The following MYRIP variants were observed in gnomAD, a reference collection of about 807,000 sequenced individuals.
The protein encoded by MYRIP is rab effector MyRIP.
A neutral mutation model predicts 98.0 loss-of-function variants in MYRIP; 49 were observed. That is an observed-to-expected ratio of 0.50 (90% confidence interval 0.40 to 0.63). The LOEUF is 0.63. MYRIP is among the 30% of genes least tolerant of loss of function. The probability of loss-of-function intolerance (pLI) is 0.00; values close to 1 mark genes in which losing one functional copy is unlikely to be tolerated. For synonymous variants in MYRIP, 404 were observed against 409.5 expected (o/e 0.99, Z 0.16); for missense variants, 1,004 against 1,058.2 (o/e 0.95, Z 0.71).
intron 3 of MYRIP, among the ~76,000 whole-genome samples, chr3:40,140,905 C>T (rs1053698404): frequency 6.6e-6 from 1 of 152,084 alleles, no homozygotes; most frequent in Non-Finnish European, 1.5e-5. Flanking sequence ...CAAAATTAGA[C>T]TTACAATCTA....
chr3:40,155,958 T>C lies in MYRIP; in HGVS notation c.469+4774T>C, dbSNP rs1488850546. Among the ~76,000 whole-genome samples, 4 of 152,266 alleles carry C rather than the reference T, an allele frequency of 2.6e-5. No homozygotes were observed. The East Asian group carries it at 7.7e-4, about 29-fold the overall frequency. ...TTTGTAGGTTGCCTGTTCACTCTGA[T>C]GGTAGTTTCTTTTGCTGTGCAGAAG... On this transcript the variant is annotated intron_variant, in intron 4 of 16. Transcript: ENST00000302541.
chr3:39,942,623 A>G (rs1387985338), intron 2 of MYRIP, among the ~76,000 whole-genome samples: 5 of 152,128 alleles, frequency 3.3e-5, no homozygotes, highest in Admixed American at 3.3e-4. Flanking sequence ...TGGGATTTCT[A>G]TCTCCTTAAA....
chr3:39,858,028 A>G (rs561178447), intron 1 of MYRIP, among the ~76,000 whole-genome samples: 6 of 152,318 alleles, frequency 3.9e-5, no homozygotes, highest in African/African-American at 1.4e-4. Context: ...TAGCAATAGT[A>G]AGTCCTTACC....
intron 2 of MYRIP, among the ~76,000 whole-genome samples, chr3:39,903,810 C>T (rs1161844691): frequency 6.6e-6 from 1 of 152,178 alleles, no homozygotes; most frequent in South Asian, 2.1e-4. Context: ...ATTTTGTTTT[C>T]CAGATTCTCT....
At chr3:40,064,106 G>A (rs1948078483) in intron 3 of MYRIP, among the ~76,000 whole-genome samples, 2 of 152,144 alleles carry the variant, frequency 1.3e-5, no homozygotes, top group African/African-American at 4.8e-5. Flanking sequence ...GCTGCAAGCA[G>A]AGAGTAGATG....
intron 1 of MYRIP, among the ~76,000 whole-genome samples, chr3:39,827,258 A>G (rs1217124956): frequency 6.6e-6 from 1 of 152,130 alleles, no homozygotes; most frequent in East Asian, 1.9e-4. Flanking sequence ...GAGTGTTCGC[A>G]TGTGCCACCA....
Position 39,995,413 on chromosome 3 carries a change from G to A in MYRIP, c.111-48637G>A, listed in dbSNP as rs1171721573. ...ATGCAGAAGCCTCAGTAGCCGATTCGATCAACTGGAAGAAAGGGTATCAGT... is the reference window on the plus strand; with the variant it reads ...ATGCAGAAGCCTCAGTAGCCGATTCAATCAACTGGAAGAAAGGGTATCAGT... On this transcript the variant is annotated intron_variant, in intron 2 of 16. Coordinates refer to ENST00000302541, the MANE Select transcript of MYRIP (RefSeq NM_015460.4). 3.9e-5 allele frequency among the ~76,000 whole-genome samples: 6 copies of A among 152,234 alleles called. No individual in the cohort carries two copies. In the East Asian group the frequency reaches 7.7e-4, roughly 20 times the overall value.
Position 40,095,331 on chromosome 3 carries a change from G to T in MYRIP, c.332+51060G>T. The stretch of plus-strand genomic sequence containing the variant: ...TGGCATCCTTCTTTGAGCAGAGAGG[G>T]TGAGTCCGCTTCTAGCTTCTGCCTT... On this transcript the variant is annotated intron_variant, in intron 3 of 16. Coordinates refer to ENST00000302541, the MANE Select transcript of MYRIP (RefSeq NM_015460.4). Among the ~76,000 whole-genome samples the T allele has an allele frequency of 1.3e-5, 2 of 152,122 alleles. 1 individual carries two copies. The highest frequency in any genetic ancestry group is 1.3e-4 in the Admixed American group (2 of 15,274).
intron 10 of MYRIP, among the ~76,000 whole-genome samples, chr3:40,207,921 A>G (rs920181189): frequency 6.6e-6 from 1 of 152,144 alleles, no homozygotes; most frequent in African/African-American, 2.4e-5. Flanking sequence ...CTTTTGAGTC[A>G]TCTAGTGATT....
chr3:39,983,482 C>T (rs1330778241), intron 2 of MYRIP, among the ~76,000 whole-genome samples: 2 of 152,108 alleles, frequency 1.3e-5, no homozygotes, highest in Admixed American at 1.3e-4. Context: ...AATTTTGACC[C>T]TGATAATATT....
At chr3:39,813,916 A>G (rs372008741) in intron 1 of MYRIP, among the ~76,000 whole-genome samples, 5 of 151,982 alleles carry the variant, frequency 3.3e-5, no homozygotes, top group Non-Finnish European at 7.4e-5. Context: ...GATTTTTTTC[A>G]CCTAACTTTT....
At chr3:40,078,390 C>T (rs1452029600) in intron 3 of MYRIP, among the ~76,000 whole-genome samples, 1 of 152,222 alleles carries the variant, frequency 6.6e-6, no homozygotes, top group Admixed American at 6.5e-5. Flanking sequence ...GGCTGAAGGG[C>T]TCCTCAAGTG....
chr3:39,963,997 A>T (rs1354722805), intron 2 of MYRIP, among the ~76,000 whole-genome samples: 8 of 152,106 alleles, frequency 5.3e-5, no homozygotes, highest in African/African-American at 1.9e-4. Flanking sequence ...TATTTTCTGT[A>T]TACTATCTGG....
intron 2 of MYRIP, among the ~76,000 whole-genome samples, chr3:39,984,582 T>C (rs2125763296): frequency 6.6e-6 from 1 of 152,348 alleles, no homozygotes; most frequent in East Asian, 1.9e-4. Context: ...CTGCATAGTA[T>C]TCCATGGTGT....
intron 4 of MYRIP, among the ~76,000 whole-genome samples, chr3:40,159,995 C>G (rs1351114735): frequency 1.3e-5 from 2 of 152,148 alleles, no homozygotes; most frequent in Non-Finnish European, 2.9e-5. Context: ...TCTCTCAGGT[C>G]GTCAAAGTCA....
chr3:39,815,244 T>C (rs1940860830), intron 1 of MYRIP, among the ~76,000 whole-genome samples: 1 of 152,186 alleles, frequency 6.6e-6, no homozygotes, highest in South Asian at 2.1e-4. Context: ...CATTTGCCCA[T>C]TCTGGATATT....
intron 3 of MYRIP, among the ~76,000 whole-genome samples, chr3:40,082,369 C>T (rs186087261): frequency 2.6e-5 from 4 of 152,256 alleles, no homozygotes; most frequent in Non-Finnish European, 4.4e-5. Context: ...CTCACCATTG[C>T]GGGAGCTGGT....
chr3:39,891,791 T>C (rs1329645218), intron 1 of MYRIP, among the ~76,000 whole-genome samples: 1 of 152,132 alleles, frequency 6.6e-6, no homozygotes, highest in African/African-American at 2.4e-5. Context: ...ATAAAAATAA[T>C]ATATCTTTTT....
At chr3:39,845,121 A>G (rs1321361699) in intron 1 of MYRIP, among the ~76,000 whole-genome samples, 1 of 152,212 alleles carries the variant, frequency 6.6e-6, no homozygotes, top group Non-Finnish European at 1.5e-5. Context: ...ACGGCAATAA[A>G]AGCAACAGCC....
Sources: allele counts gnomAD v4.1 joint callset (sites outside exome capture counted in the v4.1 genomes callset), GRCh38; gene constraint gnomAD v4.1.1; transcripts MANE v1.5; gene names NCBI Gene and HGNC (gene_info 2026-07-23, HGNC 2026-07-21).